The following RBM10 variants were observed in gnomAD, a reference collection of about 807,000 sequenced individuals.
The protein encoded by RBM10 is RNA binding motif protein 10.
In RBM10, 1 loss-of-function variant was observed where a neutral mutation model predicts 84.9. The observed-to-expected ratio is 0.01, with a 90% CI of 0.00 to 0.06. RBM10 has a LOEUF of 0.06. Ranked by LOEUF, RBM10 falls within the 10% of genes least tolerant of loss-of-function variation. The pLI, the probability that RBM10 is intolerant of heterozygous loss-of-function variation, is 1.00. For synonymous variants in RBM10, 326 were observed against 344.5 expected (o/e 0.95, Z 0.60); for missense variants, 438 against 839.0 (o/e 0.52, Z 5.90).
At position 47,171,161 on chromosome X, in the gene RBM10, G is replaced by GGGAGGA. The variant is rs781822942; in HGVS notation, c.354_359dup (p.Glu118_Glu119dup). 9 of 1,205,199 alleles carry GGGAGGA rather than the reference G, an allele frequency of 7.5e-6. No homozygotes were observed. Among genetic ancestry groups the GGGAGGA allele is most frequent in the East Asian group, 3.0e-5 (1 of 33,589 alleles). On this transcript the variant is annotated inframe_insertion, in exon 4 of 24. Coordinates refer to ENST00000377604, the MANE Select transcript of RBM10 (RefSeq NM_005676.5). Reference sequence around the variant, plus strand: ...GACCAGGACTATCGGACCGAGCAAGGGGAGGAGGAGGAGGAGGAGGAGGAT... The same window carrying GGGAGGA: ...GACCAGGACTATCGGACCGAGCAAGGGGAGGAGGAGGAGGAGGAGGAGGAGGAGGAT...
intron 5 of RBM10, among the ~76,000 whole-genome samples, chrX:47,173,928 TCTC>T (rs1569187109): frequency 2.8e-4 from 28 of 99,281 alleles, no homozygotes; most frequent in Non-Finnish European, 4.6e-4. Context: ...TCTCTCTCTC[TCTC>T]TCTTTCTCCC....
At chrX:47,154,971 C>A (rs1556764734) in intron 2 of RBM10, among the ~76,000 whole-genome samples, 3 of 106,646 alleles carry the variant, frequency 2.8e-5, no homozygotes, top group African/African-American at 1.0e-4. Context: ...CATGATGAAA[C>A]CCCATCTCTA....
rs782555261 is a variant in RBM10 at position 47,181,262 on chromosome X, G to A, written c.1296G>A (p.Pro432=). ...EGTWATSEEP[P]VDYSYYQQDE... ...CCTGGGCCACCTCCGAGGAGCCGCC[G>A]GTCGACTACAGCTACTACCAACAGG... is the stretch of plus-strand genomic sequence containing the variant. Residue 432 remains proline, a synonymous_variant, in exon 13 of 24, where the codon CCG becomes CCA. Transcript: ENST00000377604. The A allele has an allele frequency of 2.7e-5, 32 of 1,169,654 alleles. No individual in the cohort carries two copies. Among genetic ancestry groups the A allele is most frequent in the Non-Finnish European group, 3.2e-5 (28 of 876,199 alleles).
rs781889632 is a variant in RBM10, at chrX:47,185,358, C to T, written c.2157C>T (p.Asp719=). 20 of 1,200,548 alleles carry T rather than the reference C, an allele frequency of 1.7e-5. No homozygotes were observed. The highest frequency in any genetic ancestry group is 4.5e-5 in the Admixed American group (2 of 44,818). ...TSMDLPKLAS[D]DRPSPPRGLV... ...TGGATCTCCCGAAATTGGCCAGTGA[C>T]GACCGCCCAGTGAGTGCCCAAGGCA... Residue 719 remains aspartate, a synonymous_variant, in exon 19 of 24, where the codon GAC becomes GAT. Transcript: ENST00000377604.
intron 17 of RBM10, among the ~76,000 whole-genome samples, chrX:47,183,389 C>T (rs1262412189): frequency 1.8e-5 from 2 of 110,902 alleles, no homozygotes; most frequent in Non-Finnish European, 3.8e-5. Context: ...GGCGTGGTGG[C>T]AGGCGCCTGT....
chrX:47,145,431 G>A lies in RBM10; in HGVS notation c.-180G>A, dbSNP rs1932024132. The A allele has an allele frequency of 1.7e-6, 2 of 1,154,291 alleles. No individual in the cohort carries two copies. The highest frequency in any genetic ancestry group is 6.5e-5 in the East Asian group (2 of 30,728). ...TGAGCTGGGAGAGTTGGAGGAGGTGGCGGCGGGCAGAGGTGATGTCTGGGA... is the reference window on the plus strand; with the variant it reads ...TGAGCTGGGAGAGTTGGAGGAGGTGACGGCGGGCAGAGGTGATGTCTGGGA... On this transcript the variant is annotated 5_prime_UTR_variant, in exon 1 of 24. Transcript: ENST00000377604.
chrX:47,145,386 T>G lies in RBM10; in HGVS notation c.-225T>G. ...CTGCCTCCAGTCTCGGACTTGGTTG[T>G]TGCGCGCTCCGGCTCCGGCTGAGCT... On this transcript the variant is annotated 5_prime_UTR_variant, in exon 1 of 24. Coordinates refer to ENST00000377604, the MANE Select transcript of RBM10 (RefSeq NM_005676.5). 9.0e-7 allele frequency: 1 copy of G among 1,107,766 alleles called. No homozygotes were observed. The highest frequency in any genetic ancestry group is 1.2e-6 in the Non-Finnish European group (1 of 829,225). The allele number at this position is 1,107,766 out of a possible 1,213,427, so 91.3% of individuals were successfully genotyped here. A position where few individuals can be genotyped will look rare whatever the true frequency, so the allele number is the denominator to read the frequency against.
At chrX:47,166,580 C>T (rs996391270) in intron 2 of RBM10, among the ~76,000 whole-genome samples, 11 of 108,332 alleles carry the variant, frequency 1.0e-4, no homozygotes, top group African/African-American at 3.7e-4. Context: ...GCAGTCCTTT[C>T]GCCTCAGCCT....
chrX:47,161,595 A>G (rs1933704295), intron 2 of RBM10, among the ~76,000 whole-genome samples: 1 of 97,135 alleles, frequency 1.0e-5, no homozygotes, highest in Non-Finnish European at 2.0e-5. Flanking sequence ...CAGTGGCGCG[A>G]TCATGGCTCA....
Position 47,185,299 on chromosome X carries a change from C to A in RBM10, c.2101-3C>A, listed in dbSNP as rs781985483. ...CCTGAATTTCTGTGTCCCTCCACCC[C>A]AGGGAGCACTAGCCGAGAGACAGCA... is the stretch of plus-strand genomic sequence containing the variant. On this transcript the variant is annotated splice_region_variant and splice_polypyrimidine_tract_variant and intron_variant, in intron 18 of 23. Coordinates refer to ENST00000377604, the MANE Select transcript of RBM10 (RefSeq NM_005676.5). 2 of 1,211,281 alleles carry A rather than the reference C, an allele frequency of 1.7e-6. No individual in the cohort carries two copies. Among genetic ancestry groups the A allele is most frequent in the Admixed American group, 4.3e-5 (2 of 46,054 alleles).
At chrX:47,154,594 G>T (rs1387322992) in intron 2 of RBM10, among the ~76,000 whole-genome samples, 3 of 109,587 alleles carry the variant, frequency 2.7e-5, no homozygotes, top group African/African-American at 1.0e-4. Flanking sequence ...AAGGATTACA[G>T]GCCCGTGCCA....
intron 2 of RBM10, among the ~76,000 whole-genome samples, chrX:47,164,116 A>G (rs1391594969): frequency 6.4e-5 from 7 of 109,023 alleles, no homozygotes; most frequent in African/African-American, 1.0e-4. Context: ...CGATCTGCCC[A>G]CATTGGCCTC....
chrX:47,162,494 A>G (rs781787106), intron 2 of RBM10, among the ~76,000 whole-genome samples: 3 of 111,727 alleles, frequency 2.7e-5, no homozygotes, highest in African/African-American at 9.7e-5. Flanking sequence ...ATAACTCCAA[A>G]TAATGTAGAT....
intron 2 of RBM10, 137 bp downstream of exon 2, chrX:47,147,635 G>T: frequency 1.2e-6 from 1 of 811,453 alleles, no homozygotes; most frequent in Non-Finnish European, 1.8e-6. Context: ...CAGCAGACAG[G>T]TGTTTGGCAC....
chrX:47,159,807 C>T (rs1933520969), intron 2 of RBM10, among the ~76,000 whole-genome samples: 1 of 111,807 alleles, frequency 8.9e-6, no homozygotes, highest in Non-Finnish European at 1.9e-5. Flanking sequence ...TACCTCTCAC[C>T]ATATACAAAA....
intron 2 of RBM10, among the ~76,000 whole-genome samples, chrX:47,152,526 A>C (rs1932830210): frequency 1.1e-5 from 1 of 95,063 alleles, no homozygotes; most frequent in African/African-American, 4.1e-5. Context: ...GGCTCACTGC[A>C]ACCTCCGCCT....
chrX:47,186,497 C>T lies in RBM10; in HGVS notation c.2691C>T (p.Ser897=), dbSNP rs782443864. 17 of 1,207,933 alleles carry T rather than the reference C, an allele frequency of 1.4e-5. No individual in the cohort carries two copies. The highest frequency in any genetic ancestry group is 7.1e-5 in the South Asian group (4 of 56,281). Residue 897 remains serine, a synonymous_variant, in exon 24 of 24, where the codon TCC becomes TCT. Coordinates refer to ENST00000377604, the MANE Select transcript of RBM10 (RefSeq NM_005676.5). Reference sequence around the variant, plus strand: ...AGGCCCAAACACGGGTGCGGGGCTCCGGCCTGGGTGCACGGGGCAGCTCCT... The same window carrying T: ...AGGCCCAAACACGGGTGCGGGGCTCTGGCCTGGGTGCACGGGGCAGCTCCT... ...PIEAQTRVRG[S]GLGARGSSYG... is the part of the protein sequence containing the mutation.
rs1295086605 is a variant in RBM10, at chrX:47,181,334, C to T, written c.1368C>T (p.Ala456=). 1.1e-5 allele frequency: 13 copies of T among 1,196,590 alleles called. No homozygotes were observed. The highest frequency in any genetic ancestry group is 1.4e-5 in the Non-Finnish European group (12 of 888,256). ...AGGGCACAGAGTCTTCCCTCTATGCCCATGGCTACCTCAAGGGCACCAAGG... is the reference window on the plus strand; with the variant it reads ...AGGGCACAGAGTCTTCCCTCTATGCTCATGGCTACCTCAAGGGCACCAAGG... ...NSQGTESSLY[A]HGYLKGTKGP... Residue 456 remains alanine, a synonymous_variant, in exon 13 of 24, where the codon GCC becomes GCT. Coordinates refer to ENST00000377604, the MANE Select transcript of RBM10 (RefSeq NM_005676.5).
rs149142330 is a variant in RBM10 at position 47,152,313 on chromosome X, T to G, written c.17+4815T>G. Among the ~76,000 whole-genome samples, 1,062 of 111,729 alleles carry G rather than the reference T, an allele frequency of 9.5e-3. 14 individuals carry two copies. The highest frequency in any genetic ancestry group is 0.033 in the African/African-American group (1,002 of 30,751). On this transcript the variant is annotated intron_variant, in intron 2 of 23. Coordinates refer to ENST00000377604, the MANE Select transcript of RBM10 (RefSeq NM_005676.5). ...TGGTATGTATGTATATGTTTATGAC[T>G]TCTTACTTTGAAAATATCTCAAATT...
Sources: allele counts gnomAD v4.1 joint callset (sites outside exome capture counted in the v4.1 genomes callset), GRCh38; gene constraint gnomAD v4.1.1; transcripts MANE v1.5; gene names NCBI Gene and HGNC (gene_info 2026-07-23, HGNC 2026-07-21).